The following CD180 variants were observed in gnomAD, a reference collection of about 807,000 sequenced individuals.
The protein encoded by CD180 is CD180 antigen.
CD180 carries 11 observed loss-of-function variants against 10.7 expected under a neutral mutation model. That is an observed-to-expected ratio of 1.03 (90% confidence interval 0.65 to 1.70). CD180 has a LOEUF of 1.70. CD180 is among the 40% of genes most tolerant of loss of function. The pLI is 0.00. For synonymous variants in CD180, 286 were observed against 294.6 expected (o/e 0.97, Z 0.30); for missense variants, 729 against 775.2 (o/e 0.94, Z 0.71).
chr5:67,186,109 A>C, intron 1 of CD180, 92 bp from the exon 2 acceptor site: 1 of 780,572 alleles, frequency 1.3e-6, no homozygotes, highest in Non-Finnish European at 2.0e-6. Flanking sequence ...CCGAGCGGCA[A>C]TCGTACTTCT....
chr5:67,187,388 A>G (rs1380568021), intron 1 of CD180, among the ~76,000 whole-genome samples: 1 of 152,208 alleles, frequency 6.6e-6, no homozygotes, highest in Non-Finnish European at 1.5e-5. Flanking sequence ...TGAAGTATGA[A>G]TTAATTTTAG....
Position 67,196,584 on chromosome 5 carries a change from C to G in CD180, c.58G>C (p.Val20Leu), listed in dbSNP as rs5744463. 152,151 of 1,613,714 alleles carry G rather than the reference C, an allele frequency of 0.094. 8,135 individuals carry two copies. The highest frequency in any genetic ancestry group is 0.11 in the Non-Finnish European group (132,484 of 1,179,742). Residue 20 changes from valine (V) to leucine (L), a missense_variant, in exon 1 of 3, where the codon GTC becomes CTC. Val to Leu is a conservative substitution (Grantham distance 32). Transcript: ENST00000256447. ...WVVLFSAGCK[V>L]ITSWDQMCIE... ...CACATCTGATCCCAGGAGGTGATGA[C>G]TTTACAGCCGGCAGAAAACAGCACC...
intron 1 of CD180, among the ~76,000 whole-genome samples, chr5:67,189,982 C>T (rs565579869): frequency 1.3e-5 from 2 of 152,218 alleles, no homozygotes. Context: ...TGCCAATTGT[C>T]CCATTATTGT....
intron 1 of CD180, chr5:67,186,360 C>G (rs1272930796): frequency 6.1e-6 from 1 of 164,512 alleles, no homozygotes; most frequent in South Asian, 1.8e-4. Flanking sequence ...GTGAAAAAAG[C>G]AAAATGCAGA....
rs552890421 is a variant in CD180 at position 67,181,981 on chromosome 5, G to A, written c.*876C>T. On this transcript the variant is annotated 3_prime_UTR_variant, in exon 3 of 3. Coordinates refer to ENST00000256447, the MANE Select transcript of CD180 (RefSeq NM_005582.3). Reference sequence around the variant, plus strand: ...AGGGCAAGCCTGAGAACCAAACCACGATTTATTTCACAGTTCTTCTGGAAA... The same window carrying A: ...AGGGCAAGCCTGAGAACCAAACCACAATTTATTTCACAGTTCTTCTGGAAA... The A allele has an allele frequency of 3.3e-5, 5 of 152,304 alleles. No homozygotes were observed. The South Asian group carries it at 1.0e-3, about 32-fold the overall frequency. The allele number at this position is 152,304 out of a possible 1,614,324, so 9.4% of individuals were successfully genotyped here.
Position 67,182,859 on chromosome 5 carries a change from A to G in CD180, c.1984T>C (p.Ter662GlnextTer2), listed in dbSNP as rs918192141. ...YLLRWKYQHI[*>Q] ...GCTTTCTCTGGAAACCTTCAGCACT[A>G]AATGTGTTGGTATTTCCACCTGAGA... is the stretch of plus-strand genomic sequence containing the variant. Residue 662 changes from the stop codon to glutamine (Q), a stop_lost, in exon 3 of 3, where the codon TAG (stop) becomes CAG (glutamine). Coordinates refer to ENST00000256447, the MANE Select transcript of CD180 (RefSeq NM_005582.3). The G allele has an allele frequency of 1.9e-6, 3 of 1,597,884 alleles. No homozygotes were observed. Among genetic ancestry groups the G allele is most frequent in the Non-Finnish European group, 2.6e-6 (3 of 1,172,060 alleles).
In CD180 at chr5:67,183,843, C is replaced by T. The variant is rs376887530; in HGVS notation, c.1000G>A (p.Asp334Asn). The change falls in exon 3 of 3, where the codon GAT becomes AAT. Residue 334 changes from aspartate to asparagine, a missense_variant. By Grantham distance (23) the Asp-to-Asn change is conservative (BLOSUM62 1). Coordinates refer to ENST00000256447, the MANE Select transcript of CD180 (RefSeq NM_005582.3). The part of the protein sequence containing the change: ...KKLVLSVNHF[D>N]QLCQISAANF... ...GCAGCACTGATTTGACACAATTGAT[C>T]GAAATGATTTACACTGAGAACTAAT... 25 of 1,614,056 alleles carry T rather than the reference C, an allele frequency of 1.5e-5. No individual in the cohort carries two copies. Among genetic ancestry groups the T allele is most frequent in the South Asian group, 1.1e-4 (10 of 91,076 alleles).
intron 2 of CD180, 107 bp from the exon 3 acceptor site, chr5:67,184,692 A>G: frequency 1.1e-6 from 1 of 943,580 alleles, no homozygotes; most frequent in Non-Finnish European, 1.5e-6. Flanking sequence ...TCAAAATCAA[A>G]TATAAGAACT....
chr5:67,196,742 A>AG lies in CD180; in HGVS notation c.-102dup. On this transcript the variant is annotated 5_prime_UTR_variant, in exon 1 of 3. An upstream open reading frame in the 5' UTR gains an earlier in-frame stop. Coordinates refer to ENST00000256447, the MANE Select transcript of CD180 (RefSeq NM_005582.3). ...CAATTTGGCAGCCAGAGAGGTACTC[A>AG]GAAGGGTGATCTTGGAACAAGAAAT... The AG allele has an allele frequency of 6.6e-7, 1 of 1,511,532 alleles. No individual in the cohort carries two copies. 93.6% of individuals were successfully genotyped at this position (1,511,532 alleles called of 1,614,324 possible).
Position 67,196,584 on chromosome 5 carries a change from CT to C in CD180, c.57del (p.Val20SerfsTer23). 1 of 1,613,950 alleles carries C rather than the reference CT, an allele frequency of 6.2e-7. No individual in the cohort carries two copies. Among genetic ancestry groups the C allele is most frequent in the Non-Finnish European group, 8.5e-7 (1 of 1,179,956 alleles). Reference protein sequence around the residue: ...FWVVLFSAGCKVITSWDQMCI... With the variant: ...FWVVLFSAGCXVITSWDQMCI... ...CACATCTGATCCCAGGAGGTGATGA[CT>C]TTACAGCCGGCAGAAAACAGCACCA... On this transcript the variant is annotated frameshift_variant, in exon 1 of 3. Coordinates refer to ENST00000256447, the MANE Select transcript of CD180 (RefSeq NM_005582.3). LOFTEE classifies it high-confidence loss of function.
rs368311403 is a variant in CD180, at chr5:67,184,178, G to A, written c.665C>T (p.Thr222Met). The A allele has an allele frequency of 5.5e-5, 89 of 1,613,962 alleles. No homozygotes were observed. The highest frequency in any genetic ancestry group is 1.1e-4 in the African/African-American group (8 of 74,918). The change falls in exon 3 of 3, where the codon ACG becomes ATG. Residue 222 changes from threonine (T) to methionine (M), a missense_variant. Coordinates refer to ENST00000256447, the MANE Select transcript of CD180 (RefSeq NM_005582.3). ...KGIELGAFDS[T>M]IFQSLNFGGT... ...TCCAAAGTTCAAACTTTGGAAGATCGTTGAATCAAAAGCCCCAAGCTCAAT... is the reference window on the plus strand; with the variant it reads ...TCCAAAGTTCAAACTTTGGAAGATCATTGAATCAAAAGCCCCAAGCTCAAT...
chr5:67,190,563 T>A (rs1363915766), intron 1 of CD180, among the ~76,000 whole-genome samples: 1 of 152,236 alleles, frequency 6.6e-6, no homozygotes, highest in Non-Finnish European at 1.5e-5. Context: ...CCAGTGCAGA[T>A]GGGACTTCTT....
At position 67,183,699 on chromosome 5, in the gene CD180, T is replaced by G. The variant is rs762350301; in HGVS notation, c.1144A>C (p.Ile382Leu). ...LQTLDLSHND[I>L]EASDCCSLQL... Reference sequence around the variant, plus strand: ...AGACTGCAGCAGTCAGAAGCCTCTATGTCATTATGGCTTAAATCAAGTGTC... The same window carrying G: ...AGACTGCAGCAGTCAGAAGCCTCTAGGTCATTATGGCTTAAATCAAGTGTC... Residue 382 changes from isoleucine (I) to leucine (L), a missense_variant, in exon 3 of 3, where the codon ATA becomes CTA. Transcript: ENST00000256447. The G allele has an allele frequency of 6.2e-7, 1 of 1,614,072 alleles. No homozygotes were observed. The highest frequency in any genetic ancestry group is 1.3e-5 in the African/African-American group (1 of 74,938).
At position 67,181,622 on chromosome 5, in the gene CD180, A is replaced by G. The variant is rs1742049243; in HGVS notation, c.*1235T>C. The G allele has an allele frequency of 6.6e-6, 1 of 152,228 alleles. No homozygotes were observed. The highest frequency in any genetic ancestry group is 2.4e-5 in the African/African-American group (1 of 41,458). 9.4% of individuals were successfully genotyped at this position (152,228 alleles called of 1,614,324 possible). On this transcript the variant is annotated 3_prime_UTR_variant, in exon 3 of 3. Coordinates refer to ENST00000256447, the MANE Select transcript of CD180 (RefSeq NM_005582.3). ...AAGTTACCATCTCTATCTCTACCCT[A>G]AAATTGGTTATTGAACAGAACAATG...
rs774547995 is a variant in CD180 at position 67,183,066 on chromosome 5, T to C, written c.1777A>G (p.Lys593Glu). The change falls in exon 3 of 3, where the codon AAA (lysine) becomes GAA (glutamate). Residue 593 changes from lysine (K) to glutamate (E), a missense_variant. Lys to Glu is a moderately conservative substitution (Grantham distance 56). Transcript: ENST00000256447. ...CSNIHFLTWY[K>E]ENLHKLEGSE... is the part of the protein sequence containing the mutation. ...CCTTCAAGTTTGTGCAGGTTTTCTT[T>C]GTACCATGTTAAGAAATGAATATTC... The C allele has an allele frequency of 6.2e-7, 1 of 1,612,786 alleles. No homozygotes were observed. The highest frequency in any genetic ancestry group is 8.5e-7 in the Non-Finnish European group (1 of 1,179,286).
intron 1 of CD180, among the ~76,000 whole-genome samples, chr5:67,195,517 C>T (rs1224973488): frequency 3.3e-5 from 5 of 152,236 alleles, no homozygotes; most frequent in African/African-American, 1.2e-4. Context: ...ACGCCTGGCC[C>T]AGTCTGTGGC....
At chr5:67,188,636 T>G (rs1445061254) in intron 1 of CD180, among the ~76,000 whole-genome samples, 6 of 152,258 alleles carry the variant, frequency 3.9e-5, no homozygotes, top group African/African-American at 2.4e-5. Context: ...GAAACAGAAC[T>G]GCACACATCT....
At chr5:67,193,815 G>A (rs1321496820) in intron 1 of CD180, among the ~76,000 whole-genome samples, 1 of 152,244 alleles carries the variant, frequency 6.6e-6, no homozygotes, top group East Asian at 1.9e-4. Context: ...GCCTCCCGCT[G>A]ATGCAAGGAT....
chr5:67,195,704 C>G (rs1742387454), intron 1 of CD180, among the ~76,000 whole-genome samples: 1 of 152,234 alleles, frequency 6.6e-6, no homozygotes, highest in African/African-American at 2.4e-5. Flanking sequence ...CTTCCTGATC[C>G]TCTGATCTCC....
Sources: allele counts gnomAD v4.1 joint callset (sites outside exome capture counted in the v4.1 genomes callset), GRCh38; gene constraint gnomAD v4.1.1; transcripts MANE v1.5; gene names NCBI Gene and HGNC (gene_info 2026-07-23, HGNC 2026-07-21).